CSMD1: variants seen among roughly 807,000 people sequenced by gnomAD.
The protein encoded by CSMD1 is CUB and Sushi multiple domains 1.
Under a neutral mutation model 417.5 loss-of-function variants are expected in CSMD1, and 213 were observed. That is an observed-to-expected ratio of 0.51 (90% CI 0.46 to 0.57). CSMD1 has a LOEUF of 0.57. CSMD1 is among the 20% of genes least tolerant of loss of function. The probability of loss-of-function intolerance (pLI) is 0.00; values close to 1 mark genes in which losing one functional copy is unlikely to be tolerated. For missense variants in CSMD1, 6,923 were observed against 4,529.7 expected (o/e 1.53, Z -15.17); for synonymous variants, 2,862 against 1,736.8 (o/e 1.65, Z -16.11).
intron 17 of CSMD1, among the ~76,000 whole-genome samples, chr8:3,392,297 G>GA (rs988726037): frequency 6.6e-6 from 1 of 151,718 alleles, no homozygotes; most frequent in African/African-American, 2.4e-5. Context: ...ATTTTCACTT[G>GA]AAAAAAAATA....
chr8:3,489,402 G>C lies in CSMD1; in HGVS notation c.1448+4221C>G, dbSNP rs569509098. Among the ~76,000 whole-genome samples, 19 of 152,272 alleles carry C rather than the reference G, an allele frequency of 1.2e-4. 1 individual carries two copies. In the South Asian group the frequency reaches 3.7e-3, roughly 30 times the overall value. Reference sequence around the variant, plus strand: ...CTGTAACCTGTGCCTGCCACCCACAGAACGTCCTGAATTAATGAAATCCCC... The same window carrying C: ...CTGTAACCTGTGCCTGCCACCCACACAACGTCCTGAATTAATGAAATCCCC... On this transcript the variant is annotated intron_variant, in intron 11 of 69. Transcript: ENST00000635120.
intron 5 of CSMD1, among the ~76,000 whole-genome samples, chr8:3,893,299 A>C (rs1807110316): frequency 7.0e-6 from 1 of 141,930 alleles, no homozygotes; most frequent in South Asian, 2.3e-4. Context: ...TCTTATTGTA[A>C]AGAAAAATTT....
At chr8:4,452,045 G>A (rs1308394433) in intron 2 of CSMD1, among the ~76,000 whole-genome samples, 2 of 151,758 alleles carry the variant, frequency 1.3e-5, no homozygotes, top group African/African-American at 4.8e-5. Context: ...CCAGAGGGGT[G>A]GAAGAGGAAG....
intron 2 of CSMD1, among the ~76,000 whole-genome samples, chr8:4,420,924 T>C (rs1160295213): frequency 6.6e-6 from 1 of 152,204 alleles, no homozygotes; most frequent in Non-Finnish European, 1.5e-5. Flanking sequence ...TCCCTGTCTT[T>C]TGGTTTATCA....
At chr8:4,705,629 C>T (rs959625466) in intron 1 of CSMD1, among the ~76,000 whole-genome samples, 1 of 152,154 alleles carries the variant, frequency 6.6e-6, no homozygotes, top group African/African-American at 2.4e-5. Context: ...TCTGATACTG[C>T]GGCATGAACG....
chr8:4,891,267 T>C (rs1804105185), intron 1 of CSMD1, among the ~76,000 whole-genome samples: 1 of 152,066 alleles, frequency 6.6e-6, no homozygotes, highest in Admixed American at 6.6e-5. Flanking sequence ...TCTACATCCT[T>C]AGGTAAAACA....
intron 3 of CSMD1, among the ~76,000 whole-genome samples, chr8:4,307,592 C>T (rs904435821): frequency 1.3e-5 from 2 of 152,208 alleles, no homozygotes; most frequent in Non-Finnish European, 2.9e-5. Flanking sequence ...AGTCCAGCCT[C>T]TGTACCCACC....
intron 37 of CSMD1, among the ~76,000 whole-genome samples, chr8:3,168,654 A>ACACACAAAT (rs1554448540): frequency 1.9e-5 from 2 of 105,264 alleles, no homozygotes; most frequent in East Asian, 6.6e-4. Flanking sequence ...CACACACACA[A>ACACACAAAT]ATATATATAT....
At chr8:4,412,245 C>T (rs1347526509) in intron 3 of CSMD1, among the ~76,000 whole-genome samples, 1 of 152,118 alleles carries the variant, frequency 6.6e-6, no homozygotes, top group African/African-American at 2.4e-5. Context: ...TAGGAGGTGA[C>T]TAGATCATGG....
At chr8:3,312,335 T>C (rs1468299193) in intron 23 of CSMD1, among the ~76,000 whole-genome samples, 3 of 152,218 alleles carry the variant, frequency 2.0e-5, no homozygotes, top group Admixed American at 6.5e-5. Flanking sequence ...CTGATGCCTT[T>C]TCTTGTTTTT....
At chr8:4,478,057 G>C (rs1652548) in intron 2 of CSMD1, among the ~76,000 whole-genome samples, 1 of 151,998 alleles carries the variant, frequency 6.6e-6, no homozygotes, top group African/African-American at 2.4e-5. Context: ...AGCACTCCCC[G>C]AGTTAAAACT....
intron 5 of CSMD1, among the ~76,000 whole-genome samples, chr8:3,905,910 A>G (rs1157791741): frequency 6.6e-6 from 1 of 152,212 alleles, no homozygotes; most frequent in Admixed American, 6.5e-5. Flanking sequence ...GCTCCTTTGC[A>G]ATGGGCCAAT....
intron 3 of CSMD1, 53 bp from the exon 4 acceptor site, chr8:4,032,152 A>G: frequency 7.2e-7 from 1 of 1,388,944 alleles, no homozygotes; most frequent in Non-Finnish European, 1.0e-6. Flanking sequence ...TTCCATGGAG[A>G]GCCACTTATA....
chr8:3,593,760 C>T (rs184782808), intron 8 of CSMD1, among the ~76,000 whole-genome samples: 26 of 152,310 alleles, frequency 1.7e-4, no homozygotes, highest in African/African-American at 6.0e-4. Flanking sequence ...TTTTAACTTA[C>T]TTTGCAAATA....
chr8:4,902,067 A>AATAT (rs1201806245), intron 1 of CSMD1, among the ~76,000 whole-genome samples: 1 of 152,172 alleles, frequency 6.6e-6, no homozygotes, highest in Non-Finnish European at 1.5e-5. Flanking sequence ...TACATTAAAG[A>AATAT]ATATATATGT....
intron 3 of CSMD1, among the ~76,000 whole-genome samples, chr8:4,377,747 T>C (rs764121109): frequency 2.6e-5 from 4 of 152,216 alleles, no homozygotes; most frequent in African/African-American, 9.6e-5. Context: ...CCATAACAAC[T>C]ATTAGGCTAT....
In CSMD1 at chr8:3,181,231, A is replaced by AGAT. The variant is rs1821303142; in HGVS notation, c.5621-20_5621-18dup. On this transcript the variant is annotated splice_polypyrimidine_tract_variant and intron_variant, in intron 36 of 69. Coordinates refer to ENST00000635120, the MANE Select transcript of CSMD1 (RefSeq NM_033225.6). ...CTGTGGTGCCTGTAAGAAACAATGCAGATAGAATTGTAACACTACAAATAC... is the reference window on the plus strand; with the variant it reads ...CTGTGGTGCCTGTAAGAAACAATGCAGATGATAGAATTGTAACACTACAAATAC... 2 of 1,534,416 alleles carry AGAT rather than the reference A, an allele frequency of 1.3e-6. No individual in the cohort carries two copies. The highest frequency in any genetic ancestry group is 9.0e-7 in the Non-Finnish European group (1 of 1,108,764).
chr8:3,158,097 A>T (rs2129038564), intron 38 of CSMD1, 131 bp from the exon 39 acceptor site: 2 of 752,846 alleles, frequency 2.7e-6, no homozygotes, highest in South Asian at 1.9e-5. Flanking sequence ...AAAAATTGTG[A>T]AATCTGTTTT....
intron 3 of CSMD1, among the ~76,000 whole-genome samples, chr8:4,304,244 T>C (rs1421279009): frequency 4.6e-5 from 7 of 152,202 alleles, no homozygotes; most frequent in Non-Finnish European, 1.0e-4. Context: ...TGTGAAGGGC[T>C]TTGCAGGCAA....
Sources: gnomAD v4.1 joint callset for allele counts (sites outside exome capture counted in the v4.1 genomes callset) on GRCh38, gnomAD v4.1.1 for gene constraint, MANE v1.5 for transcripts, NCBI Gene and HGNC (gene_info 2026-07-23, HGNC 2026-07-21) for gene names.